NAALADL2: variants seen among roughly 807,000 people sequenced by gnomAD.
NAALADL2 encodes the protein inactive N-acetylated-alpha-linked acidic dipeptidase-like protein 2.
NAALADL2 carries 76 observed loss-of-function variants against 87.2 expected under a neutral mutation model. That is an observed-to-expected ratio of 0.87 (90% CI 0.72 to 1.05). The LOEUF is 1.05. NAALADL2 is among the 50% of genes least tolerant of loss of function. The probability of loss-of-function intolerance (pLI) is 0.00; values close to 1 mark genes in which losing one functional copy is unlikely to be tolerated. For synonymous variants in NAALADL2, 354 were observed against 331.0 expected, an observed-to-expected ratio of 1.07 and a Z score of -0.75; for missense variants, 1,089 against 945.8, an observed-to-expected ratio of 1.15 and a Z score of -1.99.
intron 2 of NAALADL2, among the ~76,000 whole-genome samples, chr3:174,662,027 C>T (rs1725551357): frequency 6.6e-6 from 1 of 152,124 alleles, no homozygotes; most frequent in South Asian, 2.1e-4. Flanking sequence ...ATGACATAAG[C>T]TATATAGCTC....
At chr3:174,505,931 A>G (rs150222366) in intron 1 of NAALADL2, among the ~76,000 whole-genome samples, 6,109 of 152,114 alleles carry the variant, frequency 0.04, 163 homozygotes, top group Non-Finnish European at 0.06. Flanking sequence ...TAATTTTACC[A>G]CTCATGGATA....
Position 175,695,924 on chromosome 3 carries a change from G to C in NAALADL2, c.1897-41382G>C, listed in dbSNP as rs114120641. ...TACAATGTCTACTTAAAAAATTTTAGAAAAGGATGAAGCTGATAGCTCGCC... is the reference window on the plus strand; with the variant it reads ...TACAATGTCTACTTAAAAAATTTTACAAAAGGATGAAGCTGATAGCTCGCC... On this transcript the variant is annotated intron_variant, in intron 11 of 13. Transcript: ENST00000454872. Among the ~76,000 whole-genome samples the C allele has an allele frequency of 3.4e-3, 513 of 152,140 alleles. 5 individuals carry two copies. Among genetic ancestry groups the C allele is most frequent in the African/African-American group, 0.012 (501 of 41,526 alleles).
intron 1 of NAALADL2, among the ~76,000 whole-genome samples, chr3:174,957,675 A>G (rs374459762): frequency 6.6e-6 from 1 of 150,840 alleles, no homozygotes; most frequent in Non-Finnish European, 1.5e-5. Flanking sequence ...TGCCTCTTTG[A>G]TTTATTTTTA....
intron 2 of NAALADL2, among the ~76,000 whole-genome samples, chr3:174,690,179 A>G (rs541907839): frequency 1.1e-3 from 162 of 152,328 alleles, no homozygotes; most frequent in African/African-American, 3.5e-3. Flanking sequence ...TCAATGTATC[A>G]TTTGTTTTGA....
chr3:174,860,599 T>A (rs1006911142), intron 1 of NAALADL2, among the ~76,000 whole-genome samples: 2 of 152,112 alleles, frequency 1.3e-5, no homozygotes, highest in Non-Finnish European at 2.9e-5. Flanking sequence ...CAATTGTGCA[T>A]ATGATAATGA....
intron 2 of NAALADL2, among the ~76,000 whole-genome samples, chr3:174,735,361 G>C (rs1228505179): frequency 5.9e-5 from 9 of 152,142 alleles, no homozygotes; most frequent in Non-Finnish European, 1.0e-4. Context: ...CAAGTTTTCT[G>C]TTTTCATTCT....
intron 9 of NAALADL2, 31 bp downstream of exon 9, chr3:175,471,789 T>C (rs909364427): frequency 6.4e-7 from 1 of 1,554,558 alleles, no homozygotes; most frequent in Non-Finnish European, 8.7e-7. Context: ...ATCAAATGAT[T>C]ATGCAAAACC....
At chr3:175,442,027 C>T (rs375835717) in intron 5 of NAALADL2, among the ~76,000 whole-genome samples, 15 of 152,148 alleles carry the variant, frequency 9.9e-5, no homozygotes, top group Admixed American at 2.6e-4. Context: ...CTGCAACTTC[C>T]GCCTCCCAGA....
At chr3:175,306,647 G>A (rs774743318) in intron 4 of NAALADL2, among the ~76,000 whole-genome samples, 1 of 152,076 alleles carries the variant, frequency 6.6e-6, no homozygotes, top group Non-Finnish European at 1.5e-5. Flanking sequence ...CCAGCATGGT[G>A]AAACCCCATC....
chr3:175,423,208 T>C (rs1303675833), intron 5 of NAALADL2, among the ~76,000 whole-genome samples: 1 of 146,212 alleles, frequency 6.8e-6, no homozygotes, highest in Non-Finnish European at 1.5e-5. Flanking sequence ...GAAGAATTTA[T>C]TTTTCTTTTT....
chr3:174,656,753 T>C (rs927255983), intron 2 of NAALADL2, among the ~76,000 whole-genome samples: 42 of 152,118 alleles, frequency 2.8e-4, no homozygotes, highest in African/African-American at 1.0e-3. Context: ...CCTTTAGAAA[T>C]TTTTTACTCT....
chr3:175,066,034 A>C (rs895793696), intron 1 of NAALADL2, among the ~76,000 whole-genome samples: 3 of 152,128 alleles, frequency 2.0e-5, no homozygotes, highest in African/African-American at 7.2e-5. Flanking sequence ...TTGAGATTCA[A>C]CCAGTTAGCC....
chr3:174,501,989 T>C (rs566839214), intron 1 of NAALADL2, among the ~76,000 whole-genome samples: 2 of 152,256 alleles, frequency 1.3e-5, no homozygotes, highest in Non-Finnish European at 2.9e-5. Flanking sequence ...TAGTTTTGAA[T>C]TAAAGGTTGC....
intron 2 of NAALADL2, among the ~76,000 whole-genome samples, chr3:175,106,651 G>A (rs1015576942): frequency 2.0e-5 from 3 of 151,980 alleles, no homozygotes; most frequent in Non-Finnish European, 2.9e-5. Flanking sequence ...AGTAGAGTGC[G>A]GTGTAAGTTA....
At chr3:175,219,382 T>C (rs1490886114) in intron 2 of NAALADL2, among the ~76,000 whole-genome samples, 1 of 152,184 alleles carries the variant, frequency 6.6e-6, no homozygotes, top group Non-Finnish European at 1.5e-5. Context: ...ATTTTAAAAA[T>C]TGAGTTTTCT....
At chr3:175,125,864 A>G (rs1726871586) in intron 2 of NAALADL2, among the ~76,000 whole-genome samples, 2 of 152,052 alleles carry the variant, frequency 1.3e-5, no homozygotes, top group South Asian at 4.1e-4. Flanking sequence ...GAGTAAGTGT[A>G]AAGAGAAGAG....
intron 11 of NAALADL2, among the ~76,000 whole-genome samples, chr3:175,643,612 G>C (rs1729584704): frequency 6.6e-6 from 1 of 152,130 alleles, no homozygotes; most frequent in South Asian, 2.1e-4. Context: ...TAAGATGGAT[G>C]TTTTAAGTCA....
intron 2 of NAALADL2, among the ~76,000 whole-genome samples, chr3:174,575,750 C>A (rs1484656276): frequency 1.3e-5 from 2 of 152,120 alleles, no homozygotes; most frequent in Non-Finnish European, 2.9e-5. Context: ...TGTAGGTATG[C>A]ATTTCAGCTG....
intron 1 of NAALADL2, among the ~76,000 whole-genome samples, chr3:174,976,138 C>T (rs1318284469): frequency 6.6e-6 from 1 of 152,084 alleles, no homozygotes; most frequent in Non-Finnish European, 1.5e-5. Context: ...CATTATTTTA[C>T]AATTAATATA....
Sources: gnomAD v4.1 joint callset for allele counts (sites outside exome capture counted in the v4.1 genomes callset) on GRCh38, gnomAD v4.1.1 for gene constraint, MANE v1.5 for transcripts, NCBI Gene and HGNC (gene_info 2026-07-23, HGNC 2026-07-21) for gene names.